The following SLMAP variants were observed in gnomAD, a reference collection of about 807,000 sequenced individuals.
SLMAP encodes sarcolemmal membrane-associated protein.
A neutral mutation model predicts 128.8 loss-of-function variants in SLMAP; 44 were observed. The observed-to-expected ratio is 0.34, with a 90% CI of 0.27 to 0.44. The LOEUF (loss-of-function observed/expected upper bound fraction) is 0.44, where lower values mean the gene tolerates loss of function less well. SLMAP is among the 20% of genes least tolerant of loss of function. The pLI, the probability that SLMAP is intolerant of heterozygous loss-of-function variation, is 1.00. For missense variants in SLMAP, 787 were observed against 985.3 expected, an observed-to-expected ratio of 0.80 and a Z score of 2.69; for synonymous variants, 327 against 348.8, an observed-to-expected ratio of 0.94 and a Z score of 0.70.
intron 22 of SLMAP, among the ~76,000 whole-genome samples, chr3:57,921,033 A>T (rs137984568): frequency 1.7e-4 from 26 of 150,948 alleles, no homozygotes; most frequent in African/African-American, 5.8e-4. Context: ...AAAAAGAGGG[A>T]TGGCAGAGTG....
chr3:57,802,358 A>G (rs1248544882), intron 2 of SLMAP, among the ~76,000 whole-genome samples: 2 of 151,776 alleles, frequency 1.3e-5, no homozygotes, highest in African/African-American at 2.4e-5. Flanking sequence ...GCTCACTGCA[A>G]CCTCCGTCTC....
At chr3:57,835,623 A>G (rs746858104) in intron 3 of SLMAP, among the ~76,000 whole-genome samples, 1 of 152,174 alleles carries the variant, frequency 6.6e-6, no homozygotes, top group Non-Finnish European at 1.5e-5. Flanking sequence ...ATAACCAGAG[A>G]TACTGAAAAG....
chr3:57,889,068 TAG>T (rs2095990178), intron 14 of SLMAP, among the ~76,000 whole-genome samples: 1 of 152,150 alleles, frequency 6.6e-6, no homozygotes, highest in Non-Finnish European at 1.5e-5. Context: ...GTGTTTCCAG[TAG>T]AGACAGGGTT....
chr3:57,856,946 A>G (rs1182514706), intron 6 of SLMAP, among the ~76,000 whole-genome samples: 5 of 152,144 alleles, frequency 3.3e-5, no homozygotes, highest in African/African-American at 1.2e-4. Context: ...TTTGGGGACT[A>G]CTGTGTATAT....
chr3:57,876,088 A>G (rs2095597541), intron 14 of SLMAP, among the ~76,000 whole-genome samples: 1 of 152,208 alleles, frequency 6.6e-6, no homozygotes, highest in South Asian at 2.1e-4. Context: ...TAAAAAGCAA[A>G]TGTTAAATAC....
At chr3:57,908,785 G>C (rs977374346) in intron 18 of SLMAP, among the ~76,000 whole-genome samples, 1 of 152,154 alleles carries the variant, frequency 6.6e-6, no homozygotes, top group Non-Finnish European at 1.5e-5. Flanking sequence ...TCAAAATGCT[G>C]ATTAACAATT....
intron 2 of SLMAP, among the ~76,000 whole-genome samples, chr3:57,804,068 G>GT (rs1461327794): frequency 2.6e-5 from 4 of 152,144 alleles, no homozygotes; most frequent in African/African-American, 9.7e-5. Context: ...CATCTTAAGA[G>GT]TAAGTGATTT....
chr3:57,883,018 A>G (rs1035812988), intron 14 of SLMAP, among the ~76,000 whole-genome samples: 1 of 152,152 alleles, frequency 6.6e-6, no homozygotes, highest in Non-Finnish European at 1.5e-5. Context: ...TACTTTCACC[A>G]GACCCTAAAT....
intron 5 of SLMAP, 143 bp from the exon 6 acceptor site, chr3:57,849,611 C>G: frequency 1.8e-6 from 1 of 555,616 alleles, no homozygotes; most frequent in Non-Finnish European, 3.2e-6. Context: ...ATTTAAAAGG[C>G]TATATTGCCT....
chr3:57,774,882 A>G (rs1025404354), intron 2 of SLMAP, among the ~76,000 whole-genome samples: 1 of 152,010 alleles, frequency 6.6e-6, no homozygotes, highest in Non-Finnish European at 1.5e-5. Context: ...TGTGCTTCAT[A>G]TATTTAAGCA....
Position 57,865,240 on chromosome 3 carries a change from A to T in SLMAP, c.1187-2A>T. ...GGCAATGATATACTGTCTTAATCCTAGGGATACAAGTTGATGACTTCTTAC... is the reference window on the plus strand; with the variant it reads ...GGCAATGATATACTGTCTTAATCCTTGGGATACAAGTTGATGACTTCTTAC... On this transcript the variant is annotated splice_acceptor_variant, in intron 12 of 24. Coordinates refer to ENST00000671191, the MANE Select transcript of SLMAP (RefSeq NM_001377540.1). LOFTEE classifies it high-confidence loss of function. The T allele has an allele frequency of 6.7e-7, 1 of 1,486,106 alleles. No homozygotes were observed. The highest frequency in any genetic ancestry group is 9.1e-7 in the Non-Finnish European group (1 of 1,096,658). The allele number at this position is 1,486,106 out of a possible 1,614,324, so 92.1% of individuals were successfully genotyped here.
At position 57,841,365 on chromosome 3, in the gene SLMAP, G is replaced by A. The variant is rs368469074; in HGVS notation, c.413G>A (p.Arg138His). 3.1e-6 allele frequency: 5 copies of A among 1,599,922 alleles called. No individual in the cohort carries two copies. Among genetic ancestry groups the A allele is most frequent in the Admixed American group, 1.7e-5 (1 of 59,212 alleles). ...CCAGATGGTATGGAAGCCCGGCTCC[G>A]CTCAGAGTGAGTATAATTTAGTACT... ...FLPDGMEARL[R>H]SDVIHAPLPS... The change falls in exon 4 of 25, where the codon CGC (arginine) becomes CAC (histidine). Residue 138 changes from arginine (R) to histidine (H), a missense_variant. Arg to His is a conservative substitution (Grantham distance 29). Coordinates refer to ENST00000671191, the MANE Select transcript of SLMAP (RefSeq NM_001377540.1).
At chr3:57,878,728 G>A (rs2153630237) in intron 14 of SLMAP, among the ~76,000 whole-genome samples, 1 of 152,334 alleles carries the variant, frequency 6.6e-6, no homozygotes, top group Middle Eastern at 3.4e-3. Context: ...TTGGAGAGGT[G>A]TAGAAGCTGT....
At chr3:57,849,716 G>T (rs752007644) in intron 5 of SLMAP, 38 bp from the exon 6 acceptor site, 2 of 1,093,714 alleles carry the variant, frequency 1.8e-6, no homozygotes, top group Admixed American at 1.8e-5. Flanking sequence ...TGTTCTTTAT[G>T]AAGTGTTTTC....
intron 3 of SLMAP, 56 bp from the exon 4 acceptor site, chr3:57,841,242 GA>G (rs1482608765): frequency 1.8e-5 from 19 of 1,049,592 alleles, no homozygotes; most frequent in South Asian, 2.9e-5. Context: ...TGAGAGGTGT[GA>G]AGTTTTATAT....
chr3:57,885,771 CTTTTTTT>C (rs35541333), intron 14 of SLMAP, among the ~76,000 whole-genome samples: 11 of 53,574 alleles, frequency 2.1e-4, no homozygotes, highest in Non-Finnish European at 3.3e-4. Context: ...GTTTTTGGTT[CTTTTTTT>C]TTTTTTTTTT....
At chr3:57,787,833 T>C (rs923206254) in intron 2 of SLMAP, among the ~76,000 whole-genome samples, 4 of 152,206 alleles carry the variant, frequency 2.6e-5, no homozygotes, top group Non-Finnish European at 4.4e-5. Flanking sequence ...GACTGGGATA[T>C]AGGAGTGAAA....
chr3:57,771,150 T>C, intron 2 of SLMAP, among the ~76,000 whole-genome samples: 4 of 130,750 alleles, frequency 3.1e-5, no homozygotes, highest in South Asian at 2.8e-4. Flanking sequence ...TGCTCTCCCC[T>C]CCCCTCCCCT....
chr3:57,847,170 A>G (rs1202477867), intron 4 of SLMAP, 27 bp from the exon 5 acceptor site: 2 of 1,537,028 alleles, frequency 1.3e-6, no homozygotes, highest in Non-Finnish European at 1.8e-6. Context: ...CGGATATTAG[A>G]TAAAACTTCT....
Sources: gnomAD v4.1 joint callset for allele counts (sites outside exome capture counted in the v4.1 genomes callset) on GRCh38, gnomAD v4.1.1 for gene constraint, MANE v1.5 for transcripts, NCBI Gene and HGNC (gene_info 2026-07-23, HGNC 2026-07-21) for gene names.